Variants in CAPZA2 observed in about 807,000 individuals in gnomAD.
CAPZA2 encodes F-actin-capping protein subunit alpha-2.
In CAPZA2, 13 loss-of-function variants were observed where a neutral mutation model predicts 44.0. The observed-to-expected ratio is 0.30, with a 90% CI of 0.19 to 0.47. CAPZA2 has a LOEUF of 0.47. Ranked by LOEUF, CAPZA2 falls within the 20% of genes least tolerant of loss-of-function variation. CAPZA2 has a pLI of 1.00. For missense variants in CAPZA2, 244 were observed against 338.6 expected (o/e 0.72, Z 2.19); for synonymous variants, 94 against 108.2 (o/e 0.87, Z 0.81).
chr7:116,890,522 AAAAATATATAT>A (rs1562959843), intron 2 of CAPZA2, among the ~76,000 whole-genome samples: 2 of 38,714 alleles, frequency 5.2e-5, no homozygotes, highest in South Asian at 9.5e-4. Context: ...AAAAAAAAAA[AAAAATATATAT>A]ATATATATAT....
chr7:116,914,025 ATT>A (rs71148344), intron 8 of CAPZA2, among the ~76,000 whole-genome samples: 100 of 131,932 alleles, frequency 7.6e-4, no homozygotes, highest in Non-Finnish European at 6.5e-4. Flanking sequence ...ATTAAAGAAA[ATT>A]TTTTTTTTTT....
At chr7:116,893,784 C>T (rs1796883134) in intron 3 of CAPZA2, among the ~76,000 whole-genome samples, 2 of 152,138 alleles carry the variant, frequency 1.3e-5, no homozygotes, top group South Asian at 2.1e-4. Context: ...TACATGTACA[C>T]TGAATTTTTG....
chr7:116,866,599 G>A (rs775811546), intron 1 of CAPZA2, among the ~76,000 whole-genome samples: 21 of 152,320 alleles, frequency 1.4e-4, no homozygotes, highest in Non-Finnish European at 2.5e-4. Context: ...TATGGTGTAA[G>A]GCTCAATTGA....
chr7:116,897,969 G>A (rs1796949711), intron 3 of CAPZA2, among the ~76,000 whole-genome samples: 2 of 152,008 alleles, frequency 1.3e-5, no homozygotes, highest in Admixed American at 6.6e-5. Flanking sequence ...CTGTAACTCT[G>A]CTCTGTCTCC....
At chr7:116,881,056 T>G (rs1796691902) in intron 1 of CAPZA2, among the ~76,000 whole-genome samples, 1 of 152,090 alleles carries the variant, frequency 6.6e-6, no homozygotes, top group South Asian at 2.1e-4. Flanking sequence ...AATATTAATT[T>G]GCTTTCACAT....
chr7:116,910,000 G>C, intron 6 of CAPZA2: 1 of 491,732 alleles, frequency 2.0e-6, no homozygotes. Context: ...TAGAATTCTG[G>C]CATTAAATCC....
Position 116,920,679 on chromosome 7 carries a change from G to A in CAPZA2, c.*2812G>A, listed in dbSNP as rs1759216177. On this transcript the variant is annotated 3_prime_UTR_variant, in exon 10 of 10. Coordinates refer to ENST00000361183, the MANE Select transcript of CAPZA2 (RefSeq NM_006136.3). ...ATTCAAAGGAGAAATATCTCATGTA[G>A]CAGTTAGATACAGGAGACAGGAACT... 1 of 152,206 alleles carries A rather than the reference G, an allele frequency of 6.6e-6. No homozygotes were observed. Among genetic ancestry groups the A allele is most frequent in the Non-Finnish European group, 1.5e-5 (1 of 68,066 alleles). The allele number at this position is 152,206 out of a possible 1,614,324, so 9.4% of individuals were successfully genotyped here. A position where few individuals can be genotyped will look rare whatever the true frequency, so the allele number is the denominator to read the frequency against.
At chr7:116,891,345 A>G (rs553271591) in intron 2 of CAPZA2, among the ~76,000 whole-genome samples, 1 of 152,220 alleles carries the variant, frequency 6.6e-6, no homozygotes, top group African/African-American at 2.4e-5. Context: ...ATTGATGATA[A>G]ATTTATCAAA....
intron 1 of CAPZA2, chr7:116,886,247 TGTCA>T (rs1335816854): frequency 6.5e-6 from 1 of 153,676 alleles, no homozygotes; most frequent in Middle Eastern, 8.8e-4. Context: ...ATTAGGTAAC[TGTCA>T]GTCTGATTCC....
intron 1 of CAPZA2, chr7:116,874,271 A>G (rs1796590783): frequency 6.5e-6 from 1 of 152,836 alleles, no homozygotes; most frequent in African/African-American, 2.4e-5. Context: ...AGGCACCACT[A>G]CTCCACAGGA....
At chr7:116,875,327 C>T (rs1252187783) in intron 1 of CAPZA2, 1 of 152,102 alleles carries the variant, frequency 6.6e-6, no homozygotes, top group Non-Finnish European at 1.5e-5. Flanking sequence ...ACATTTCTCA[C>T]TATTTAATAA....
At chr7:116,867,172 G>A (rs1796493290) in intron 1 of CAPZA2, among the ~76,000 whole-genome samples, 1 of 152,176 alleles carries the variant, frequency 6.6e-6, no homozygotes, top group African/African-American at 2.4e-5. Flanking sequence ...TGACCTGATT[G>A]TTAAATAATG....
At chr7:116,866,685 A>G (rs971911661) in intron 1 of CAPZA2, among the ~76,000 whole-genome samples, 1 of 152,230 alleles carries the variant, frequency 6.6e-6, no homozygotes, top group Admixed American at 6.5e-5. Context: ...ACTGATGGGA[A>G]AGATCGTTTT....
intron 1 of CAPZA2, among the ~76,000 whole-genome samples, chr7:116,871,198 G>A (rs534712284): frequency 6.6e-6 from 1 of 152,290 alleles, no homozygotes; most frequent in Non-Finnish European, 1.5e-5. Context: ...AGTGGAGAGA[G>A]ACCTAAAGGT....
intron 1 of CAPZA2, among the ~76,000 whole-genome samples, chr7:116,872,216 T>G (rs114017872): frequency 1.4e-3 from 212 of 152,094 alleles, no homozygotes; most frequent in African/African-American, 4.0e-3. Flanking sequence ...TAAGAATACT[T>G]TTTTTTTGTA....
chr7:116,894,360 CAA>C lies in CAPZA2; in HGVS notation c.155+1333_155+1334del, dbSNP rs10706961. Among the ~76,000 whole-genome samples, 1,063 of 114,482 alleles carry C rather than the reference CAA, an allele frequency of 9.3e-3. 8 individuals carry two copies. The highest frequency in any genetic ancestry group is 0.024 in the African/African-American group (732 of 30,386). 75.1% of individuals were successfully genotyped at this position (114,482 alleles called of 152,430 possible). Reference sequence around the variant, plus strand: ...CTGGTGACAGAGCAAGACTCCGTCTCAAAAAAAAAAAAAAAAAAATCTGACAG... The same window carrying C: ...CTGGTGACAGAGCAAGACTCCGTCTCAAAAAAAAAAAAAAAAATCTGACAG... On this transcript the variant is annotated intron_variant, in intron 3 of 9. Coordinates refer to ENST00000361183, the MANE Select transcript of CAPZA2 (RefSeq NM_006136.3).
intron 3 of CAPZA2, among the ~76,000 whole-genome samples, chr7:116,897,389 T>C (rs1461008750): frequency 1.3e-5 from 2 of 152,184 alleles, no homozygotes; most frequent in African/African-American, 4.8e-5. Context: ...AATGTCATCT[T>C]TTTTGAGCAT....
intron 1 of CAPZA2, among the ~76,000 whole-genome samples, chr7:116,863,116 GA>G (rs1230297308): frequency 1.3e-5 from 2 of 152,208 alleles, no homozygotes; most frequent in African/African-American, 4.8e-5. Context: ...GAGGGGAAGG[GA>G]AAAATCGCTT....
intron 1 of CAPZA2, among the ~76,000 whole-genome samples, chr7:116,865,177 CTTTTTTTTTT>C (rs1011886318): frequency 2.3e-5 from 2 of 87,988 alleles, no homozygotes; most frequent in Non-Finnish European, 4.4e-5. Flanking sequence ...GCGCTCTCTT[CTTTTTTTTTT>C]TTTTTTTTTT....
Sources: gnomAD v4.1 joint callset for allele counts (sites outside exome capture counted in the v4.1 genomes callset) on GRCh38, gnomAD v4.1.1 for gene constraint, MANE v1.5 for transcripts, NCBI Gene and HGNC (gene_info 2026-07-23, HGNC 2026-07-21) for gene names.